The following ABLIM1 variants were observed in gnomAD, a reference collection of about 807,000 sequenced individuals.
ABLIM1 encodes actin binding LIM protein 1.
Under a neutral mutation model 107.0 loss-of-function variants are expected in ABLIM1, and 40 were observed. That is an observed-to-expected ratio of 0.37 (90% CI 0.29 to 0.49). ABLIM1 has a LOEUF of 0.49. ABLIM1 is among the 20% of genes least tolerant of loss of function. The pLI is 0.97. For missense variants in ABLIM1, 857 were observed against 1,008.5 expected, an observed-to-expected ratio of 0.85 and a Z score of 2.04; for synonymous variants, 357 against 357.3, an observed-to-expected ratio of 1.00 and a Z score of 0.01.
chr10:114,546,306 T>TC (rs1216214576), intron 5 of ABLIM1, among the ~76,000 whole-genome samples: 1 of 150,796 alleles, frequency 6.6e-6, no homozygotes, highest in African/African-American at 2.4e-5. Context: ...TCTTTTTTTT[T>TC]TTTTTTGAGA....
intron 6 of ABLIM1, among the ~76,000 whole-genome samples, chr10:114,510,980 G>A (rs1163128040): frequency 7.2e-5 from 11 of 151,956 alleles, no homozygotes; most frequent in Non-Finnish European, 4.4e-5. Flanking sequence ...AGCTGAGTGT[G>A]TTCCCTCCCT....
intron 1 of ABLIM1, among the ~76,000 whole-genome samples, chr10:114,737,309 A>C (rs886194399): frequency 2.6e-5 from 4 of 152,182 alleles, no homozygotes; most frequent in Non-Finnish European, 5.9e-5. Flanking sequence ...CCTGTCTCAA[A>C]AGCAAAACAA....
chr10:114,721,990 G>T (rs993280572), intron 1 of ABLIM1, among the ~76,000 whole-genome samples: 1 of 152,114 alleles, frequency 6.6e-6, no homozygotes, highest in African/African-American at 2.4e-5. Context: ...ATGTGTGTTT[G>T]CATGTGTATA....
chr10:114,557,655 A>C (rs2068929192), intron 4 of ABLIM1, among the ~76,000 whole-genome samples: 1 of 141,900 alleles, frequency 7.0e-6, no homozygotes, highest in African/African-American at 2.6e-5. Flanking sequence ...CTGACCCAAT[A>C]GCTCCATAGT....
At chr10:114,605,569 G>A (rs747933938) in intron 1 of ABLIM1, among the ~76,000 whole-genome samples, 1 of 152,294 alleles carries the variant, frequency 6.6e-6, no homozygotes, top group Admixed American at 6.5e-5. Context: ...GTACTGACTA[G>A]TCAATGATTT....
At chr10:114,759,403 T>C (rs2082697097) in intron 1 of ABLIM1, among the ~76,000 whole-genome samples, 1 of 152,168 alleles carries the variant, frequency 6.6e-6, no homozygotes, top group African/African-American at 2.4e-5. Context: ...CCCATGATAA[T>C]GAAGGTCCCA....
intron 4 of ABLIM1, among the ~76,000 whole-genome samples, chr10:114,570,900 C>T (rs935426239): frequency 6.6e-6 from 1 of 152,138 alleles, no homozygotes; most frequent in East Asian, 1.9e-4. Flanking sequence ...GCCACCACAC[C>T]TGGCCTATTT....
At chr10:114,676,539 G>A (rs573158018) in intron 1 of ABLIM1, among the ~76,000 whole-genome samples, 2 of 152,142 alleles carry the variant, frequency 1.3e-5, no homozygotes, top group South Asian at 4.2e-4. Flanking sequence ...CAGTAACCAT[G>A]AGACTGGATT....
chr10:114,623,667 C>A (rs1301273846), intron 1 of ABLIM1, among the ~76,000 whole-genome samples: 2 of 152,194 alleles, frequency 1.3e-5, no homozygotes, highest in African/African-American at 4.8e-5. Context: ...AATGCAAAAT[C>A]TCAGGCCTTC....
rs529665972 is a variant in ABLIM1 at position 114,693,291 on chromosome 10, A to G, written c.-213+74770T>C. ...AGCCTTCATCTGAAGAAAGGGTTCC[A>G]TAGCTAAAAATAAACACACATGTTG... On this transcript the variant is annotated intron_variant, in intron 1 of 15. Coordinates refer to the ABLIM1 transcript ENST00000651092. 1.5e-3 allele frequency among the ~76,000 whole-genome samples: 228 copies of G among 152,336 alleles called. 1 individual carries two copies. In the South Asian group the frequency reaches 0.028, roughly 19 times the overall value.
chr10:114,704,271 G>GCTCGCTCT (rs1555225982), intron 1 of ABLIM1, among the ~76,000 whole-genome samples: 1 of 40,958 alleles, frequency 2.4e-5, no homozygotes, highest in Non-Finnish European at 5.3e-5. Context: ...TCTCTCTCTC[G>GCTCGCTCT]CTCTCTCTCT....
At chr10:114,494,351 A>T (rs1436831814) in intron 6 of ABLIM1, among the ~76,000 whole-genome samples, 1 of 152,216 alleles carries the variant, frequency 6.6e-6, no homozygotes, top group Non-Finnish European at 1.5e-5. Flanking sequence ...TGAGCAAAAC[A>T]GTAAGACCTT....
At chr10:114,736,978 C>A (rs1053950221) in intron 1 of ABLIM1, among the ~76,000 whole-genome samples, 2 of 152,174 alleles carry the variant, frequency 1.3e-5, no homozygotes, top group Non-Finnish European at 2.9e-5. Flanking sequence ...CACTTGAGGC[C>A]AGGAGTTCAA....
chr10:114,444,378 C>T (rs750542906), intron 16 of ABLIM1, among the ~76,000 whole-genome samples: 6 of 152,102 alleles, frequency 3.9e-5, no homozygotes, highest in Non-Finnish European at 2.9e-5. Context: ...GTTAGAAGAA[C>T]GTTTTCCTTC....
intron 1 of ABLIM1, among the ~76,000 whole-genome samples, chr10:114,766,249 C>A (rs1001397272): frequency 1.3e-5 from 2 of 152,174 alleles, no homozygotes; most frequent in Non-Finnish European, 2.9e-5. Context: ...AATAAACATA[C>A]AATAACTGAT....
chr10:114,443,321 T>A (rs1268842151), intron 17 of ABLIM1, among the ~76,000 whole-genome samples: 1 of 151,552 alleles, frequency 6.6e-6, no homozygotes, highest in Non-Finnish European at 1.5e-5. Flanking sequence ...TTTTTTTCTT[T>A]TTTTTTTTGA....
At position 114,435,583 on chromosome 10, in the gene ABLIM1, G is replaced by A. The variant is rs1361637233; in HGVS notation, c.*677C>T. 6.6e-6 allele frequency: 1 copy of A among 152,172 alleles called. No homozygotes were observed. The highest frequency in any genetic ancestry group is 2.1e-4 in the South Asian group (1 of 4,830). The allele number at this position is 152,172 out of a possible 1,614,324, so 9.4% of individuals were successfully genotyped here. ...TTCCTGTTCCTTCTCTTTTGCTTTTGAACAGTTTTTAAATATACTAATAGC... is the reference window on the plus strand; with the variant it reads ...TTCCTGTTCCTTCTCTTTTGCTTTTAAACAGTTTTTAAATATACTAATAGC... On this transcript the variant is annotated 3_prime_UTR_variant, in exon 23 of 23. Coordinates refer to ENST00000533213, the MANE Select transcript of ABLIM1 (RefSeq NM_002313.7).
At chr10:114,744,123 T>C (rs755081438) in intron 1 of ABLIM1, among the ~76,000 whole-genome samples, 5 of 152,182 alleles carry the variant, frequency 3.3e-5, no homozygotes, top group Non-Finnish European at 7.3e-5. Flanking sequence ...ATCACAGGCC[T>C]CATTCTGGGA....
intron 8 of ABLIM1, 121 bp downstream of exon 8, chr10:114,487,837 T>A: frequency 8.0e-7 from 1 of 1,252,632 alleles, no homozygotes; most frequent in East Asian, 2.3e-5. Flanking sequence ...TGAACTTAGT[T>A]TGCTATAAGG....
Sources: gnomAD v4.1 joint callset for allele counts (sites outside exome capture counted in the v4.1 genomes callset) on GRCh38, gnomAD v4.1.1 for gene constraint, MANE v1.5 for transcripts, NCBI Gene and HGNC (gene_info 2026-07-23, HGNC 2026-07-21) for gene names.